Variants in ADAM12 observed in about 807,000 individuals in gnomAD.
ADAM12 encodes the protein disintegrin and metalloproteinase domain-containing protein 12.
ADAM12 carries 70 observed loss-of-function variants against 106.4 expected under a neutral mutation model. The ratio of observed to expected loss-of-function variants is 0.66; its 90% CI spans 0.54 to 0.80. The LOEUF (loss-of-function observed/expected upper bound fraction) is 0.80, where lower values mean the gene tolerates loss of function less well. ADAM12 is among the 30% of genes least tolerant of loss of function. ADAM12 has a pLI of 0.00. For missense variants in ADAM12, 1,010 were observed against 1,171.9 expected, an observed-to-expected ratio of 0.86 and a Z score of 2.02; for synonymous variants, 420 against 433.5, an observed-to-expected ratio of 0.97 and a Z score of 0.39.
At chr10:126,350,695 T>A (rs951568493) in intron 1 of ADAM12, among the ~76,000 whole-genome samples, 5 of 152,252 alleles carry the variant, frequency 3.3e-5, no homozygotes, top group African/African-American at 1.2e-4. Flanking sequence ...GCTTCCCACA[T>A]GTGTCACCTC....
chr10:126,324,786 C>T (rs980896017), intron 2 of ADAM12, among the ~76,000 whole-genome samples: 1 of 151,996 alleles, frequency 6.6e-6, no homozygotes, highest in Non-Finnish European at 1.5e-5. Flanking sequence ...TAATTGGGAA[C>T]TTTCAGCTGG....
chr10:126,360,336 CTA>C (rs1855699725), intron 1 of ADAM12, among the ~76,000 whole-genome samples: 1 of 152,178 alleles, frequency 6.6e-6, no homozygotes, highest in South Asian at 2.1e-4. Flanking sequence ...ATTTTCTTAT[CTA>C]TTGCATTGTC....
chr10:126,238,832 C>T (rs995010121), intron 3 of ADAM12, among the ~76,000 whole-genome samples: 1 of 152,150 alleles, frequency 6.6e-6, no homozygotes, highest in Non-Finnish European at 1.5e-5. Context: ...AAATCTTAGC[C>T]TGTTTCTGAG....
intron 1 of ADAM12, among the ~76,000 whole-genome samples, chr10:126,347,535 G>A (rs900909485): frequency 1.1e-4 from 17 of 152,068 alleles, no homozygotes; most frequent in East Asian, 7.7e-4. Flanking sequence ...TCTTTGTGGC[G>A]TTCTCTGTAT....
intron 3 of ADAM12, among the ~76,000 whole-genome samples, chr10:126,177,251 A>G (rs1957236789): frequency 6.6e-6 from 1 of 152,078 alleles, no homozygotes; most frequent in African/African-American, 2.4e-5. Context: ...TTAGATTGTA[A>G]ATGGAAAAAA....
chr10:126,079,146 A>T lies in ADAM12; in HGVS notation c.1146-7492T>A, dbSNP rs1410618029. 3.3e-5 allele frequency among the ~76,000 whole-genome samples: 5 copies of T among 152,234 alleles called. No individual in the cohort carries two copies. In the East Asian group the frequency reaches 9.6e-4, roughly 29 times the overall value. On this transcript the variant is annotated intron_variant, in intron 11 of 22. Transcript: ENST00000448723. ...ACCTGTATTTTAATAAGCTCTGCAG[A>T]CGATTTGCTAAATTGATGTTGAATT...
Position 126,098,477 on chromosome 10 carries a change from G to C in ADAM12, c.935C>G (p.Thr312Ser). ...GCTCATGATTGGGGCCATGCCGATG[G>C]TGGTCCCTTGGAAATAAACCCCACT... Reference protein sequence around the residue: ...LVSGVYFQGTTIGMAPIMSMC... With the variant: ...LVSGVYFQGTSIGMAPIMSMC... Residue 312 changes from threonine to serine, a missense_variant, in exon 10 of 23, where the codon ACC (threonine) becomes AGC (serine). Around this residue, in one of 3 missense-constraint regions of ADAM12, gnomAD observed 391 missense variants for 442.9 expected, o/e 0.88. Coordinates refer to ENST00000448723, the MANE Select transcript of ADAM12 (RefSeq NM_001288973.2). 5.0e-6 allele frequency: 8 copies of C among 1,614,088 alleles called. No individual in the cohort carries two copies. The highest frequency in any genetic ancestry group is 6.8e-6 in the Non-Finnish European group (8 of 1,179,964).
In ADAM12 at chr10:126,066,638, A is replaced by G; in HGVS notation, c.1413+79T>C. ...GAGTGCTGGGAAACCTTCCAGCCACACTGCTTGCCCTGCATCAGATCTGAA... is the reference window on the plus strand; with the variant it reads ...GAGTGCTGGGAAACCTTCCAGCCACGCTGCTTGCCCTGCATCAGATCTGAA... On this transcript the variant is annotated intron_variant, in intron 13 of 22. Transcript: ENST00000448723. This position sits in a 1 kb window ranked among gnomAD's most constrained non-coding sequence, Gnocchi z 5.1. 7.2e-7 allele frequency: 1 copy of G among 1,397,532 alleles called. No homozygotes were observed. The highest frequency in any genetic ancestry group is 1.2e-5 in the South Asian group (1 of 85,618). The allele number at this position is 1,397,532 out of a possible 1,614,324, so 86.6% of individuals were successfully genotyped here. A position where few individuals can be genotyped will look rare whatever the true frequency, so the allele number is the denominator to read the frequency against.
intron 3 of ADAM12, among the ~76,000 whole-genome samples, chr10:126,222,529 C>A (rs1044996786): frequency 2.0e-5 from 3 of 151,160 alleles, no homozygotes; most frequent in Non-Finnish European, 4.4e-5. Flanking sequence ...TGCAAAGTGG[C>A]ATCCCTGGCT....
intron 3 of ADAM12, among the ~76,000 whole-genome samples, chr10:126,162,924 TG>T (rs1346702322): frequency 6.6e-6 from 1 of 152,160 alleles, no homozygotes; most frequent in African/African-American, 2.4e-5. Flanking sequence ...GTTTGGATTG[TG>T]GGGGCGGATC....
chr10:126,347,534 C>T (rs559679916), intron 1 of ADAM12, among the ~76,000 whole-genome samples: 7 of 152,080 alleles, frequency 4.6e-5, no homozygotes, highest in African/African-American at 9.7e-5. Flanking sequence ...ATCTTTGTGG[C>T]GTTCTCTGTA....
intron 2 of ADAM12, among the ~76,000 whole-genome samples, chr10:126,326,303 T>C (rs1854300541): frequency 6.6e-6 from 1 of 152,104 alleles, no homozygotes; most frequent in Non-Finnish European, 1.5e-5. Context: ...TAAAAGTTTC[T>C]GGGTGATTCT....
At chr10:126,313,445 T>C (rs1163059479) in intron 2 of ADAM12, among the ~76,000 whole-genome samples, 2 of 152,206 alleles carry the variant, frequency 1.3e-5, no homozygotes, top group African/African-American at 2.4e-5. Context: ...AATTTAACTT[T>C]GAAAATGCAA....
intron 3 of ADAM12, among the ~76,000 whole-genome samples, chr10:126,198,989 G>A (rs1016148771): frequency 6.6e-6 from 1 of 152,138 alleles, no homozygotes. Context: ...AGGTAGGCTT[G>A]AGCAGAAGGC....
chr10:126,286,234 G>T (rs541425918), intron 2 of ADAM12, among the ~76,000 whole-genome samples: 1 of 152,194 alleles, frequency 6.6e-6, no homozygotes, highest in East Asian at 1.9e-4. Flanking sequence ...AGAAACATCT[G>T]CCCTGATTCT....
chr10:126,014,206 A>C lies in ADAM12; in HGVS notation c.*3073T>G, dbSNP rs139578281. 547 of 148,838 alleles carry C rather than the reference A, an allele frequency of 3.7e-3. 3 individuals carry two copies. Among genetic ancestry groups the C allele is most frequent in the Middle Eastern group, 0.025 (7 of 284 alleles). 9.2% of individuals were successfully genotyped at this position (148,838 alleles called of 1,614,324 possible). A position where few individuals can be genotyped will look rare whatever the true frequency, so the allele number is the denominator to read the frequency against. On this transcript the variant is annotated 3_prime_UTR_variant, in exon 23 of 23. Coordinates refer to ENST00000448723, the MANE Select transcript of ADAM12 (RefSeq NM_001288973.2). Reference sequence around the variant, plus strand: ...GAGTGCTTAGTAAACATCAGTGGCGAGGGGGCAGGAGGATGCTCAGCCCTG... The same window carrying C: ...GAGTGCTTAGTAAACATCAGTGGCGCGGGGGCAGGAGGATGCTCAGCCCTG...
intron 3 of ADAM12, among the ~76,000 whole-genome samples, chr10:126,206,863 G>C (rs931771414): frequency 1.7e-4 from 25 of 147,926 alleles, no homozygotes; most frequent in Admixed American, 1.7e-3. Flanking sequence ...GTGGGGGCGG[G>C]GGGGAGCCAG....
rs571455909 is a variant in ADAM12 at position 126,345,643 on chromosome 10, C to T, written c.89-15134G>A. Among the ~76,000 whole-genome samples the T allele has an allele frequency of 2.6e-4, 39 of 152,246 alleles. No individual in the cohort carries two copies. The East Asian group carries it at 6.4e-3, about 25-fold the overall frequency. On this transcript the variant is annotated intron_variant, in intron 1 of 22. Transcript: ENST00000448723. ...CTCTGGTAGAATTCGGCTGCGAATCCGTCTGGTCCTGGACTTTTTTTGGTT... is the reference window on the plus strand; with the variant it reads ...CTCTGGTAGAATTCGGCTGCGAATCTGTCTGGTCCTGGACTTTTTTTGGTT...
chr10:126,082,185 G>T (rs1955231984), intron 11 of ADAM12, among the ~76,000 whole-genome samples: 1 of 152,136 alleles, frequency 6.6e-6, no homozygotes, highest in Non-Finnish European at 1.5e-5. Flanking sequence ...CGCAGCTGTG[G>T]TTGTCTTCTG....
Sources: gnomAD v4.1 joint callset for allele counts (sites outside exome capture counted in the v4.1 genomes callset) on GRCh38, gnomAD v4.1.1 for gene constraint, gnomAD v4.1.1 regional missense constraint, Gnocchi (gnomAD v3.1) non-coding constraint, MANE v1.5 for transcripts, NCBI Gene and HGNC (gene_info 2026-07-23, HGNC 2026-07-21) for gene names.